Variants in SLC8A3 observed in about 807,000 individuals in gnomAD.
The protein encoded by SLC8A3 is sodium/calcium exchanger 3.
SLC8A3 carries 37 observed loss-of-function variants against 65.4 expected under a neutral mutation model. That is an observed-to-expected ratio of 0.57 (90% CI 0.44 to 0.74). The LOEUF (loss-of-function observed/expected upper bound fraction) is 0.74, where lower values mean the gene tolerates loss of function less well. SLC8A3 is among the 30% of genes least tolerant of loss of function. The pLI, the probability that SLC8A3 is intolerant of heterozygous loss-of-function variation, is 0.00. For missense variants in SLC8A3, 1,112 were observed against 1,172.1 expected (o/e 0.95, Z 0.75); for synonymous variants, 461 against 444.5 (o/e 1.04, Z -0.47).
intron 1 of SLC8A3, among the ~76,000 whole-genome samples, chr14:70,169,011 C>T (rs1301991495): frequency 6.6e-6 from 1 of 152,156 alleles, no homozygotes; most frequent in Non-Finnish European, 1.5e-5. Context: ...TTCATGTTCA[C>T]TCCAGGATTA....
At chr14:70,067,362 A>G (rs1230338927) in intron 2 of SLC8A3, among the ~76,000 whole-genome samples, 2 of 152,216 alleles carry the variant, frequency 1.3e-5, no homozygotes, top group African/African-American at 4.8e-5. Flanking sequence ...CTCTGCAAGT[A>G]CAGAGAACTT....
At chr14:70,085,922 G>A (rs1319814369) in intron 2 of SLC8A3, among the ~76,000 whole-genome samples, 1 of 152,164 alleles carries the variant, frequency 6.6e-6, no homozygotes, top group African/African-American at 2.4e-5. Flanking sequence ...GCACAAGAAG[G>A]TTAAGTCACA....
chr14:70,153,579 C>T (rs1047785889), intron 2 of SLC8A3, among the ~76,000 whole-genome samples: 17 of 152,286 alleles, frequency 1.1e-4, no homozygotes, highest in African/African-American at 3.6e-4. Flanking sequence ...AGCACATATG[C>T]TTGTCTTCCC....
chr14:70,080,170 C>T (rs562446877), intron 2 of SLC8A3: 1 of 985,438 alleles, frequency 1.0e-6, no homozygotes, highest in East Asian at 1.1e-4. Flanking sequence ...CTGTCATTCC[C>T]TAGGTTTTCG....
At chr14:70,163,458 G>A (rs914965567) in intron 2 of SLC8A3, among the ~76,000 whole-genome samples, 50 of 152,082 alleles carry the variant, frequency 3.3e-4, no homozygotes, top group African/African-American at 1.2e-3. Context: ...TTATATTTAG[G>A]GGAGTATAGT....
intron 2 of SLC8A3, among the ~76,000 whole-genome samples, chr14:70,109,673 C>T (rs543482174): frequency 5.3e-5 from 8 of 152,078 alleles, no homozygotes; most frequent in South Asian, 2.1e-4. Flanking sequence ...AAGCTGGTCT[C>T]GAAAAGTCCT....
intron 2 of SLC8A3, among the ~76,000 whole-genome samples, chr14:70,145,889 A>G (rs1895894844): frequency 6.6e-6 from 1 of 151,920 alleles, no homozygotes; most frequent in Middle Eastern, 3.2e-3. Flanking sequence ...GGGCGCCAAG[A>G]CAAGCACTCA....
At chr14:70,174,179 C>T (rs902321258) in intron 1 of SLC8A3, among the ~76,000 whole-genome samples, 2 of 152,206 alleles carry the variant, frequency 1.3e-5, no homozygotes, top group African/African-American at 2.4e-5. Flanking sequence ...AGCGCCCCTT[C>T]GAGCAAAGGC....
At chr14:70,087,583 T>G (rs549917104) in intron 2 of SLC8A3, among the ~76,000 whole-genome samples, 1 of 152,316 alleles carries the variant, frequency 6.6e-6, no homozygotes, top group Non-Finnish European at 1.5e-5. Context: ...GCAGTTACTC[T>G]CCAACAAATA....
At chr14:70,101,513 G>A (rs573796607) in intron 2 of SLC8A3, among the ~76,000 whole-genome samples, 6 of 152,290 alleles carry the variant, frequency 3.9e-5, no homozygotes, top group African/African-American at 7.2e-5. Flanking sequence ...TGTATCATGC[G>A]GGGCCTTGAA....
intron 3 of SLC8A3, among the ~76,000 whole-genome samples, chr14:70,057,712 A>G (rs1322515923): frequency 6.6e-6 from 1 of 152,162 alleles, no homozygotes; most frequent in Non-Finnish European, 1.5e-5. Context: ...CTGGAGCTGA[A>G]CTTTCCCCTG....
chr14:70,068,970 G>C (rs1889739926), intron 2 of SLC8A3, among the ~76,000 whole-genome samples: 1 of 152,138 alleles, frequency 6.6e-6, no homozygotes, highest in African/African-American at 2.4e-5. Flanking sequence ...CACTGGCCTC[G>C]GCCTTCCAAG....
intron 5 of SLC8A3, 85 bp downstream of exon 5, chr14:70,050,923 C>A: frequency 5.0e-6 from 4 of 804,616 alleles, no homozygotes; most frequent in Non-Finnish European, 6.5e-6. Flanking sequence ...TTCCTAGGGA[C>A]TGGCAGGCTG....
Position 70,166,628 on chromosome 14 carries a change from AG to A in SLC8A3, c.1784+10del, listed in dbSNP as rs1464995619. The A allele has an allele frequency of 1.3e-6, 2 of 1,494,110 alleles. No individual in the cohort carries two copies. The highest frequency in any genetic ancestry group is 1.8e-6 in the Non-Finnish European group (2 of 1,088,694). The allele number at this position is 1,494,110 out of a possible 1,614,324, so 92.6% of individuals were successfully genotyped here. Reference sequence around the variant, plus strand: ...GGTCAGGGAGGGGCAGAATACAGGAAGGTTACTTACACAGTTTCATCATTCT... The same window carrying A: ...GGTCAGGGAGGGGCAGAATACAGGAAGTTACTTACACAGTTTCATCATTCT... On this transcript the variant is annotated intron_variant, in intron 2 of 6. Coordinates refer to ENST00000356921, the MANE Select transcript of SLC8A3 (RefSeq NM_182932.3).
rs568262252 is a variant in SLC8A3, at chr14:70,087,587, A to G, written c.1785-26648T>C. On this transcript the variant is annotated intron_variant, in intron 2 of 6. Transcript: ENST00000356921. Reference sequence around the variant, plus strand: ...TCATGTCTTAAGCAGTTACTCTCCAACAAATATTCAAACTCATTTTCTGAA... The same window carrying G: ...TCATGTCTTAAGCAGTTACTCTCCAGCAAATATTCAAACTCATTTTCTGAA... 5.9e-5 allele frequency among the ~76,000 whole-genome samples: 9 copies of G among 152,314 alleles called. No individual in the cohort carries two copies. The South Asian group carries it at 1.9e-3, about 32-fold the overall frequency.
chr14:70,069,167 G>A (rs534724042), intron 2 of SLC8A3, among the ~76,000 whole-genome samples: 24 of 152,278 alleles, frequency 1.6e-4, no homozygotes, highest in Admixed American at 7.8e-4. Context: ...ATGCAGGTGG[G>A]TAAGCTCTGG....
At chr14:70,077,009 T>G (rs1890588311) in intron 2 of SLC8A3, among the ~76,000 whole-genome samples, 1 of 152,188 alleles carries the variant, frequency 6.6e-6, no homozygotes, top group Non-Finnish European at 1.5e-5. Flanking sequence ...ACAGGGTTTT[T>G]GAGAGGATTA....
rs145472014 is a variant in SLC8A3 at position 70,051,103 on chromosome 14, G to A, written c.2018C>T (p.Thr673Met). Reference protein sequence around the residue: ...IIEESYEFKTTVDKLIKKTNL... With the variant: ...IIEESYEFKTMVDKLIKKTNL... ...TGTCTTCTTGATCAGTTTGTCCACC[G>A]TAGTCTGTTAAGAAGAGAAAAACTT... Residue 673 changes from threonine (T) to methionine (M), a missense_variant, in exon 5 of 7, where the codon ACG becomes ATG. Thr to Met is a moderately conservative substitution (Grantham distance 81). Coordinates refer to ENST00000356921, the MANE Select transcript of SLC8A3 (RefSeq NM_182932.3). 1.7e-5 allele frequency: 28 copies of A among 1,609,966 alleles called. 1 individual carries two copies. In the South Asian group the frequency reaches 2.0e-4, roughly 11 times the overall value.
chr14:70,051,545 C>T (rs10146698), intron 4 of SLC8A3, among the ~76,000 whole-genome samples: 10,809 of 152,182 alleles, frequency 0.071, 430 homozygotes, highest in Non-Finnish European at 0.09. Flanking sequence ...AAGTGACCCT[C>T]CCATCTCGGC....
Sources: gnomAD v4.1 joint callset for allele counts (sites outside exome capture counted in the v4.1 genomes callset) on GRCh38, gnomAD v4.1.1 for gene constraint, MANE v1.5 for transcripts, NCBI Gene and HGNC (gene_info 2026-07-23, HGNC 2026-07-21) for gene names.